RNF214: variants seen among roughly 807,000 people sequenced by gnomAD.
RNF214 encodes the protein ring finger protein 214.
In RNF214, 25 loss-of-function variants were observed where a neutral mutation model predicts 75.9. The ratio of observed to expected loss-of-function variants is 0.33; its 90% CI spans 0.24 to 0.46. RNF214 has a LOEUF of 0.46. RNF214 is among the 20% of genes least tolerant of loss of function. The pLI, the probability that RNF214 is intolerant of heterozygous loss-of-function variation, is 1.00. For synonymous variants in RNF214, 314 were observed against 308.8 expected, an observed-to-expected ratio of 1.02 and a Z score of -0.18; for missense variants, 725 against 857.5, an observed-to-expected ratio of 0.85 and a Z score of 1.93.
Position 117,282,740 on chromosome 11 carries a change from C to T in RNF214, c.1846-6C>T. The T allele has an allele frequency of 6.2e-7, 1 of 1,612,222 alleles. No homozygotes were observed. The highest frequency in any genetic ancestry group is 8.5e-7 in the Non-Finnish European group (1 of 1,178,274). On this transcript the variant is annotated splice_polypyrimidine_tract_variant and splice_region_variant and intron_variant, in intron 12 of 14. Transcript: ENST00000300650. ...TCCCTTACTCTGACAATGTTTCTAC[C>T]TACAGCCACTTGGTCGCATCCGGGC...
chr11:117,282,977 A>G lies in RNF214; in HGVS notation c.1950+127A>G. Reference sequence around the variant, plus strand: ...TTTGCAGCCCTACTGGGAAAATGCAAATATTTTAGGCAAGAATCTATATTT... The same window carrying G: ...TTTGCAGCCCTACTGGGAAAATGCAGATATTTTAGGCAAGAATCTATATTT... On this transcript the variant is annotated intron_variant, in intron 13 of 14. Coordinates refer to ENST00000300650, the MANE Select transcript of RNF214 (RefSeq NM_207343.4). 6.0e-6 allele frequency: 6 copies of G among 993,900 alleles called. No homozygotes were observed. In the South Asian group the frequency reaches 7.4e-5, roughly 12 times the overall value. 61.6% of individuals were successfully genotyped at this position (993,900 alleles called of 1,614,324 possible).
intron 6 of RNF214, among the ~76,000 whole-genome samples, chr11:117,275,675 C>G (rs1380429436): frequency 2.0e-5 from 3 of 152,138 alleles, no homozygotes; most frequent in African/African-American, 7.2e-5. Context: ...CACAACCCCC[C>G]AAGCTTGAAC....
In RNF214 at chr11:117,282,989, A is replaced by G. The variant is rs1049144398; in HGVS notation, c.1951-126A>G. The G allele has an allele frequency of 1.0e-5, 10 of 980,850 alleles. No individual in the cohort carries two copies. In the African/African-American group the frequency reaches 1.6e-4, roughly 16 times the overall value. 60.8% of individuals were successfully genotyped at this position (980,850 alleles called of 1,614,324 possible). Reference sequence around the variant, plus strand: ...CTGGGAAAATGCAAATATTTTAGGCAAGAATCTATATTTGGATTTTTGTTT... The same window carrying G: ...CTGGGAAAATGCAAATATTTTAGGCGAGAATCTATATTTGGATTTTTGTTT... On this transcript the variant is annotated intron_variant, in intron 13 of 14. Coordinates refer to ENST00000300650, the MANE Select transcript of RNF214 (RefSeq NM_207343.4).
intron 6 of RNF214, among the ~76,000 whole-genome samples, chr11:117,272,998 A>G (rs1226725406): frequency 2.0e-5 from 3 of 152,234 alleles, no homozygotes; most frequent in African/African-American, 7.2e-5. Flanking sequence ...ATTTTAAAAT[A>G]ATAAACCTAT....
At chr11:117,248,553 C>T (rs2033289434) in intron 6 of RNF214, among the ~76,000 whole-genome samples, 1 of 152,138 alleles carries the variant, frequency 6.6e-6, no homozygotes, top group African/African-American at 2.4e-5. Context: ...TCTGAGTCTC[C>T]AAGATAATAA....
chr11:117,274,180 C>T (rs2033964966), intron 6 of RNF214, among the ~76,000 whole-genome samples: 1 of 151,898 alleles, frequency 6.6e-6, no homozygotes, highest in Non-Finnish European at 1.5e-5. Flanking sequence ...TTCAAAATAA[C>T]AGATTAACAG....
At chr11:117,283,592 C>T (rs533239592) in intron 14 of RNF214, among the ~76,000 whole-genome samples, 163 of 152,276 alleles carry the variant, frequency 1.1e-3, no homozygotes, top group African/African-American at 3.8e-3. Flanking sequence ...AACTCCTGAC[C>T]TTGTGATCCG....
At chr11:117,253,328 A>T (rs1467445578) in intron 6 of RNF214, among the ~76,000 whole-genome samples, 1 of 152,240 alleles carries the variant, frequency 6.6e-6, no homozygotes, top group Non-Finnish European at 1.5e-5. Flanking sequence ...AACTGAATTT[A>T]CCAAAGTGTA....
In RNF214 at chr11:117,282,504, G is replaced by A; in HGVS notation, c.1813G>A (p.Ala605Thr). ...ELIQLVAARL[A>T]EHERVAASTQ... ...TATCCAGTTGGTTGCTGCACGACTGGCAGAACATGAGCGGGTGGCAGCAAG... is the reference window on the plus strand; with the variant it reads ...TATCCAGTTGGTTGCTGCACGACTGACAGAACATGAGCGGGTGGCAGCAAG... Residue 605 changes from alanine (A) to threonine (T), a missense_variant, in exon 12 of 15, where the codon GCA becomes ACA. This residue lies in a region of RNF214 where 363 missense variants were observed against 513.0 expected (regional missense o/e 0.71). Transcript: ENST00000300650. 1 of 1,614,190 alleles carries A rather than the reference G, an allele frequency of 6.2e-7. No homozygotes were observed. Among genetic ancestry groups the A allele is most frequent in the Non-Finnish European group, 8.5e-7 (1 of 1,180,032 alleles).
chr11:117,236,701 T>C (rs2032921752), intron 2 of RNF214, among the ~76,000 whole-genome samples: 2 of 152,348 alleles, frequency 1.3e-5, no homozygotes, highest in Admixed American at 6.5e-5. Context: ...ATTATTCGCA[T>C]TTACCGGTGA....
chr11:117,238,023 A>G (rs946805324), intron 2 of RNF214, among the ~76,000 whole-genome samples: 20 of 152,264 alleles, frequency 1.3e-4, no homozygotes, highest in African/African-American at 4.6e-4. Context: ...TCTAACTAGT[A>G]TTAGGCTAAT....
At chr11:117,240,374 CA>C (rs1167785574) in intron 4 of RNF214, among the ~76,000 whole-genome samples, 1 of 73,100 alleles carries the variant, frequency 1.4e-5, no homozygotes, top group African/African-American at 5.4e-5. Flanking sequence ...GACCCTGTCT[CA>C]AAAAAAATTA....
At position 117,285,225 on chromosome 11, in the gene RNF214, CTA is replaced by C. The variant is rs2034229157; in HGVS notation, c.*78_*79del. 2.0e-6 allele frequency: 2 copies of C among 994,876 alleles called. No individual in the cohort carries two copies. The highest frequency in any genetic ancestry group is 3.2e-5 in the African/African-American group (2 of 62,718). 61.6% of individuals were successfully genotyped at this position (994,876 alleles called of 1,614,324 possible). On this transcript the variant is annotated 3_prime_UTR_variant, in exon 15 of 15. Coordinates refer to ENST00000300650, the MANE Select transcript of RNF214 (RefSeq NM_207343.4). ...GCGCGGGTTCAAGATTTCTAAAACT[CTA>C]TATTTATACAGTGACATATACTCAT... is the stretch of plus-strand genomic sequence containing the variant.
chr11:117,267,876 A>T (rs2033829983), intron 6 of RNF214, among the ~76,000 whole-genome samples: 1 of 152,230 alleles, frequency 6.6e-6, no homozygotes, highest in Non-Finnish European at 1.5e-5. Context: ...ACAATTTAAA[A>T]AATGAAAATC....
At chr11:117,238,513 G>C (rs1021588130) in intron 2 of RNF214, 88 bp from the exon 3 acceptor site, 1 of 1,108,462 alleles carries the variant, frequency 9.0e-7, no homozygotes, top group African/African-American at 1.6e-5. Context: ...TATGATAGTC[G>C]GGAGGGTTTA....
chr11:117,279,548 A>G (rs540658926), intron 6 of RNF214, among the ~76,000 whole-genome samples: 2 of 151,970 alleles, frequency 1.3e-5, no homozygotes, highest in East Asian at 3.9e-4. Context: ...CGCTGGCCAG[A>G]CTGGTCTCAA....
At position 117,248,364 on chromosome 11, in the gene RNF214, C is replaced by T. The variant is rs572930177; in HGVS notation, c.959+1416C>T. The stretch of plus-strand genomic sequence containing the variant: ...GTGCTGGGATTACAGGCATGAGCCA[C>T]CGCGCCCAGCCAATTTTCTAAGTTT... On this transcript the variant is annotated intron_variant, in intron 6 of 14. Transcript: ENST00000300650. Among the ~76,000 whole-genome samples, 8 of 152,336 alleles carry T rather than the reference C, an allele frequency of 5.3e-5. No homozygotes were observed. The South Asian group carries it at 1.7e-3, about 32-fold the overall frequency.
At chr11:117,248,704 G>A (rs1345316060) in intron 6 of RNF214, among the ~76,000 whole-genome samples, 1 of 152,162 alleles carries the variant, frequency 6.6e-6, no homozygotes, top group Admixed American at 6.5e-5. Context: ...ATTATGAGGA[G>A]TGTACCTGGA....
intron 2 of RNF214, 89 bp from the exon 3 acceptor site, chr11:117,238,512 C>T (rs917924334): frequency 1.1e-5 from 12 of 1,096,544 alleles, no homozygotes; most frequent in African/African-American, 3.1e-5. Context: ...TTATGATAGT[C>T]GGGAGGGTTT....
Sources: gnomAD v4.1 joint callset for allele counts (sites outside exome capture counted in the v4.1 genomes callset) on GRCh38, gnomAD v4.1.1 for gene constraint, gnomAD v4.1.1 regional missense constraint, MANE v1.5 for transcripts, NCBI Gene and HGNC (gene_info 2026-07-23, HGNC 2026-07-21) for gene names.